Variants in CARMIL2 observed in about 807,000 individuals in gnomAD.
CARMIL2 encodes capping protein, Arp2/3 and myosin-I linker protein 2.
Under a neutral mutation model 173.3 loss-of-function variants are expected in CARMIL2, and 96 were observed. The observed-to-expected ratio is 0.55, with a 90% CI of 0.47 to 0.66. The LOEUF (loss-of-function observed/expected upper bound fraction) is 0.66. Among genes scored for constraint, CARMIL2 ranks in the 30% least tolerant of loss-of-function variants. CARMIL2 has a pLI of 0.00. For synonymous variants in CARMIL2, 830 were observed against 817.1 expected (o/e 1.02, Z -0.27); for missense variants, 1,771 against 1,906.7 (o/e 0.93, Z 1.33).
At position 67,656,241 on chromosome 16, in the gene CARMIL2, C is replaced by G. The variant is rs752457785; in HGVS notation, c.3756C>G (p.Asp1252Glu). The G allele has an allele frequency of 6.2e-7, 1 of 1,614,010 alleles. No homozygotes were observed. Among genetic ancestry groups the G allele is most frequent in the East Asian group, 2.2e-5 (1 of 44,890 alleles). ...TCCGCCTTGCAGGTGACATTATGGA[C>G]AGTTCCACGGAGGCCCCTCCCATCT... ...KKAGSDGDIMDSSTEAPPISI... is the reference protein window; with the variant it reads ...KKAGSDGDIMESSTEAPPISI... Residue 1252 changes from aspartate to glutamate, a missense_variant, in exon 34 of 38, where the codon GAC (aspartate) becomes GAG (glutamate). Physicochemically the swap from Asp to Glu is conservative, Grantham distance 45. Transcript: ENST00000334583.
intron 22 of CARMIL2, chr16:67,650,577 A>C: frequency 5.0e-6 from 1 of 201,824 alleles, no homozygotes; most frequent in Non-Finnish European, 1.0e-5. Flanking sequence ...CTTCTTTCCT[A>C]AGCTTCAGAG....
At position 67,654,165 on chromosome 16, in the gene CARMIL2, C is replaced by T. The variant is rs1446316857; in HGVS notation, c.3137C>T (p.Pro1046Leu). The T allele has an allele frequency of 2.6e-6, 4 of 1,561,114 alleles. No homozygotes were observed. Among genetic ancestry groups the T allele is most frequent in the Middle Eastern group, 1.8e-4 (1 of 5,668 alleles). The change falls in exon 30 of 38, where the codon CCG becomes CTG. Residue 1046 changes from proline to leucine, a missense_variant. Transcript: ENST00000334583. ...PGGPQVPPAL[P>L]QEGNGLSARV... ...GCCCCCCAGGTACCCCCAGCCTTGC[C>T]GCAGGAAGGGAATGGGCTCAGTGCC...
rs1403084907 is a variant in CARMIL2 at position 67,648,247 on chromosome 16, G to A, written c.1267G>A (p.Ala423Thr). 6.2e-7 allele frequency: 1 copy of A among 1,601,962 alleles called. No homozygotes were observed. The highest frequency in any genetic ancestry group is 1.3e-5 in the African/African-American group (1 of 74,760). Residue 423 changes from alanine to threonine, a missense_variant, in exon 14 of 38, where the codon GCG (alanine) becomes ACG (threonine). Around this residue, in one of 3 missense-constraint regions of CARMIL2, gnomAD observed 944 missense variants for 975.6 expected, o/e 0.97. Transcript: ENST00000334583. The surrounding 1 kb of genome is among the most constrained non-coding windows in gnomAD (Gnocchi z 6.1). Reference protein sequence around the residue: ...ANSLPPQLFAAVSRGCCTSLT... With the variant: ...ANSLPPQLFATVSRGCCTSLT... ...CAGCCTCCCCCCGCAGCTCTTCGCAGCGGTATCCCGAGGCTGCTGCACCAG... is the reference window on the plus strand; with the variant it reads ...CAGCCTCCCCCCGCAGCTCTTCGCAACGGTATCCCGAGGCTGCTGCACCAG...
rs774282527 is a variant in CARMIL2, at chr16:67,656,695, G to A, written c.4036+50G>A. On this transcript the variant is annotated intron_variant, in intron 35 of 37. Transcript: ENST00000334583. ...CCCAATCCTGGCCTCGGGGCTGGAG[G>A]AGTTCCTGCTGGGAACTCAGCTCCT... 5.7e-6 allele frequency: 9 copies of A among 1,571,732 alleles called. No homozygotes were observed. The Admixed American group carries it at 9.3e-5, about 16-fold the overall frequency.
In CARMIL2 at chr16:67,648,552, T is replaced by C; in HGVS notation, c.1439+50T>C. ...CCCCGCGGGCGCTCCCACCCTGCCC[T>C]GGCCTTCGCCCCTCCCCGCTCCTGC... On this transcript the variant is annotated intron_variant, in intron 15 of 37. Transcript: ENST00000334583. This position sits in a 1 kb window ranked among gnomAD's most constrained non-coding sequence, Gnocchi z 6.1. 8.1e-7 allele frequency: 1 copy of C among 1,227,848 alleles called. No individual in the cohort carries two copies. The highest frequency in any genetic ancestry group is 1.1e-6 in the Non-Finnish European group (1 of 911,112). 76.1% of individuals were successfully genotyped at this position (1,227,848 alleles called of 1,614,324 possible).
In CARMIL2 at chr16:67,654,223, C is replaced by T. The variant is rs1324516365; in HGVS notation, c.3195C>T (p.Ser1065=). 7 of 1,564,592 alleles carry T rather than the reference C, an allele frequency of 4.5e-6. No homozygotes were observed. Among genetic ancestry groups the T allele is most frequent in the African/African-American group, 1.4e-5 (1 of 73,500 alleles). ...ACGAGGGCGTGGAGGAATTCTTCTC[C>T]AAAAGGCTGATCCAGCAGGATCGCC... ...RVDEGVEEFF[S]KRLIQQDRLW... Residue 1065 remains serine (S), a synonymous_variant, in exon 30 of 38, where the codon TCC becomes TCT. Transcript: ENST00000334583.
intron 33 of CARMIL2, 66 bp downstream of exon 33, chr16:67,656,133 G>T: frequency 6.2e-7 from 1 of 1,611,232 alleles, no homozygotes; most frequent in Non-Finnish European, 8.5e-7. Context: ...AGCCCCCAAG[G>T]CACTTGCTCT....
In CARMIL2 at chr16:67,646,000, G is replaced by T. The variant is rs746435317; in HGVS notation, c.187-18G>T. ...CGGGGCTGGGGGCTTGGTCCCAGCT[G>T]ATCTAGGCCCTTTCTAGGTGGACTG... On this transcript the variant is annotated intron_variant, in intron 3 of 37. Transcript: ENST00000334583. 1 of 1,613,578 alleles carries T rather than the reference G, an allele frequency of 6.2e-7. No homozygotes were observed. Among genetic ancestry groups the T allele is most frequent in the Non-Finnish European group, 8.5e-7 (1 of 1,179,864 alleles).
chr16:67,656,151 G>A, intron 33 of CARMIL2, 77 bp from the exon 34 acceptor site: 2 of 1,610,788 alleles, frequency 1.2e-6, no homozygotes, highest in Middle Eastern at 1.7e-4. Context: ...TCTCCTTGGG[G>A]AGGAAGGGGA....
Position 67,654,630 on chromosome 16 carries a change from G to A in CARMIL2, c.3520G>A (p.Ala1174Thr). Reference protein sequence around the residue: ...SRPRYTRDSKAYSMILLPAEE... With the variant: ...SRPRYTRDSKTYSMILLPAEE... ...ACCTCGCTACACAAGAGATAGCAAG[G>A]CCTACTCGATGATACTGCTGCCTGC... The change falls in exon 31 of 38, where the codon GCC becomes ACC. Residue 1174 changes from alanine to threonine, a missense_variant. By Grantham distance (58) the Ala-to-Thr change is moderately conservative. Transcript: ENST00000334583. The A allele has an allele frequency of 6.3e-7, 1 of 1,595,028 alleles. No individual in the cohort carries two copies. The highest frequency in any genetic ancestry group is 8.6e-7 in the Non-Finnish European group (1 of 1,169,400).
In CARMIL2 at chr16:67,654,197, G is replaced by A. The variant is rs771894876; in HGVS notation, c.3169G>A (p.Asp1057Asn). The change falls in exon 30 of 38, where the codon GAC becomes AAC. Residue 1057 changes from aspartate (D) to asparagine (N), a missense_variant. By Grantham distance (23) the Asp-to-Asn change is conservative (BLOSUM62 1). Around this residue, in one of 3 missense-constraint regions of CARMIL2, gnomAD observed 817 missense variants for 903.5 expected, o/e 0.90. Transcript: ENST00000334583. The part of the protein sequence containing the change: ...QEGNGLSARV[D>N]EGVEEFFSKR... ...AGGGAATGGGCTCAGTGCCCGCGTG[G>A]ACGAGGGCGTGGAGGAATTCTTCTC... The A allele has an allele frequency of 6.4e-7, 1 of 1,571,364 alleles. No homozygotes were observed. Among genetic ancestry groups the A allele is most frequent in the Admixed American group, 1.9e-5 (1 of 53,780 alleles).
rs1298901619 is a variant in CARMIL2, at chr16:67,646,546, T to C, written c.466+29T>C. On this transcript the variant is annotated intron_variant, in intron 6 of 37. Coordinates refer to ENST00000334583, the MANE Select transcript of CARMIL2 (RefSeq NM_001013838.3). The surrounding 1 kb of genome is among the most constrained non-coding windows in gnomAD (Gnocchi z 4.6). ...AGGGTGAAGGCAGAGCCACAGGCCT[T>C]CCAGCCTGCCCCACCTCTGCCTCCC... The C allele has an allele frequency of 6.2e-7, 1 of 1,605,350 alleles. No homozygotes were observed. Among genetic ancestry groups the C allele is most frequent in the Admixed American group, 1.7e-5 (1 of 59,384 alleles).
chr16:67,652,780 C>T lies in CARMIL2; in HGVS notation c.2885-239C>T, dbSNP rs1402872525. Among the ~76,000 whole-genome samples, 7 of 152,058 alleles carry T rather than the reference C, an allele frequency of 4.6e-5. No homozygotes were observed. Among genetic ancestry groups the T allele is most frequent in the Non-Finnish European group, 4.4e-5 (3 of 67,926 alleles). ...TCAGCTCGCCTCCCCGCGCCCCTTTCCCTACCCCAGGGACGCGCATGCTGG... is the reference window on the plus strand; with the variant it reads ...TCAGCTCGCCTCCCCGCGCCCCTTTTCCTACCCCAGGGACGCGCATGCTGG... On this transcript the variant is annotated intron_variant, in intron 28 of 37. Transcript: ENST00000334583. This position sits in a 1 kb window ranked among gnomAD's most constrained non-coding sequence, Gnocchi z 4.7.
rs2052681708 is a variant in CARMIL2 at position 67,649,708 on chromosome 16, G to C, written c.1919+89G>C. ...CTAAGGGGAGGGACTGAATGAGGCGGAGCAAATGGAGCAGGCTGACGAGGC... is the reference window on the plus strand; with the variant it reads ...CTAAGGGGAGGGACTGAATGAGGCGCAGCAAATGGAGCAGGCTGACGAGGC... On this transcript the variant is annotated intron_variant, in intron 20 of 37. Coordinates refer to ENST00000334583, the MANE Select transcript of CARMIL2 (RefSeq NM_001013838.3). The surrounding 1 kb of genome is among the most constrained non-coding windows in gnomAD (Gnocchi z 6.7). 1.3e-6 allele frequency: 2 copies of C among 1,562,990 alleles called. No individual in the cohort carries two copies. Among genetic ancestry groups the C allele is most frequent in the Non-Finnish European group, 1.7e-6 (2 of 1,154,770 alleles).
Position 67,651,575 on chromosome 16 carries a change from G to A in CARMIL2, c.2427+61G>A, listed in dbSNP as rs56238319. 9.5e-4 allele frequency: 1,487 copies of A among 1,564,108 alleles called. 13 individuals are homozygous for A. In the African/African-American group the frequency reaches 0.018, roughly 19 times the overall value. On this transcript the variant is annotated intron_variant, in intron 24 of 37. Coordinates refer to ENST00000334583, the MANE Select transcript of CARMIL2 (RefSeq NM_001013838.3). The surrounding 1 kb of genome is among the most constrained non-coding windows in gnomAD (Gnocchi z 4.2). The stretch of plus-strand genomic sequence containing the variant: ...TTGCAGGTTTGACTCCCATCCTTTA[G>A]TTTTAACTGTGATATCCCCTGACTC...
rs970905700 is a variant in CARMIL2, at chr16:67,651,649, C to T, written c.2428-36C>T. ...TCAAGCCAGCAGCCTGGTGTCTGGC[C>T]ACATCCTCACCATGCTCTGACTGAC... On this transcript the variant is annotated intron_variant, in intron 24 of 37. Transcript: ENST00000334583. The surrounding 1 kb of genome is among the most constrained non-coding windows in gnomAD (Gnocchi z 4.2). The T allele has an allele frequency of 6.3e-7, 1 of 1,597,866 alleles. No individual in the cohort carries two copies. Among genetic ancestry groups the T allele is most frequent in the East Asian group, 2.3e-5 (1 of 44,204 alleles).
At position 67,649,181 on chromosome 16, in the gene CARMIL2, C is replaced by T. The variant is rs1871023720; in HGVS notation, c.1688+9C>T. 1 of 1,613,070 alleles carries T rather than the reference C, an allele frequency of 6.2e-7. No individual in the cohort carries two copies. Among genetic ancestry groups the T allele is most frequent in the South Asian group, 1.1e-5 (1 of 90,994 alleles). Reference sequence around the variant, plus strand: ...TTCAACGTCCGGTGCAAGTGAGCCCCCACCCTACTCCTGGGCCTCCCAGAC... The same window carrying T: ...TTCAACGTCCGGTGCAAGTGAGCCCTCACCCTACTCCTGGGCCTCCCAGAC... On this transcript the variant is annotated intron_variant, in intron 18 of 37. Transcript: ENST00000334583. The surrounding 1 kb of genome is among the most constrained non-coding windows in gnomAD (Gnocchi z 6.7).
chr16:67,646,140 C>T lies in CARMIL2; in HGVS notation c.250-46C>T, dbSNP rs906550684. The T allele has an allele frequency of 6.2e-7, 1 of 1,613,818 alleles. No homozygotes were observed. ...CTGGTCTTCATGCTACCACCATCAC[C>T]TGCGCCCATGTGTGGAGCCGAGGCC... On this transcript the variant is annotated intron_variant, in intron 4 of 37. Coordinates refer to ENST00000334583, the MANE Select transcript of CARMIL2 (RefSeq NM_001013838.3). This position sits in a 1 kb window ranked among gnomAD's most constrained non-coding sequence, Gnocchi z 4.6.
At position 67,652,990 on chromosome 16, in the gene CARMIL2, T is replaced by C; in HGVS notation, c.2885-29T>C. On this transcript the variant is annotated intron_variant, in intron 28 of 37. Coordinates refer to ENST00000334583, the MANE Select transcript of CARMIL2 (RefSeq NM_001013838.3). The surrounding 1 kb of genome is among the most constrained non-coding windows in gnomAD (Gnocchi z 4.7). ...GCCGCCACCTCCCCGGGCTCGGCGC[T>C]CGGTGCTCTTCTGGTGCTGTCCCCT... The C allele has an allele frequency of 8.4e-7, 1 of 1,190,648 alleles. No individual in the cohort carries two copies. Among genetic ancestry groups the C allele is most frequent in the Non-Finnish European group, 1.1e-6 (1 of 922,378 alleles). The allele number at this position is 1,190,648 out of a possible 1,614,324, so 73.8% of individuals were successfully genotyped here. A position where few individuals can be genotyped will look rare whatever the true frequency, so the allele number is the denominator to read the frequency against.
Sources: allele counts gnomAD v4.1 joint callset (sites outside exome capture counted in the v4.1 genomes callset), GRCh38; gene constraint gnomAD v4.1.1; regional missense constraint gnomAD v4.1.1; non-coding constraint Gnocchi (gnomAD v3.1); transcripts MANE v1.5; gene names NCBI Gene and HGNC (gene_info 2026-07-23, HGNC 2026-07-21).